The following RAP1GDS1 variants were observed in gnomAD, a reference collection of about 807,000 sequenced individuals.
RAP1GDS1 encodes the protein RAP1, GTP-GDP dissociation stimulator 1.
Under a neutral mutation model 71.1 loss-of-function variants are expected in RAP1GDS1, and 35 were observed. That is an observed-to-expected ratio of 0.49 (90% CI 0.38 to 0.65). RAP1GDS1 has a LOEUF of 0.65. RAP1GDS1 is among the 30% of genes least tolerant of loss of function. RAP1GDS1 has a pLI of 0.00. For synonymous variants in RAP1GDS1, 229 were observed against 243.1 expected, an observed-to-expected ratio of 0.94 and a Z score of 0.54; for missense variants, 663 against 706.1, an observed-to-expected ratio of 0.94 and a Z score of 0.69.
intron 1 of RAP1GDS1, among the ~76,000 whole-genome samples, chr4:98,286,486 G>A (rs28589745): frequency 0.042 from 6,326 of 152,090 alleles, 303 homozygotes; most frequent in African/African-American, 0.12. Flanking sequence ...GTTTAATATT[G>A]TAGTTGTGAA....
At chr4:98,407,769 G>A (rs565033930) in intron 7 of RAP1GDS1, among the ~76,000 whole-genome samples, 119 of 152,078 alleles carry the variant, frequency 7.8e-4, no homozygotes, top group Non-Finnish European at 1.4e-3. Context: ...CCTAGACTTT[G>A]CCACTATACA....
intron 10 of RAP1GDS1, among the ~76,000 whole-genome samples, chr4:98,419,457 T>A (rs1045809848): frequency 3.9e-5 from 6 of 152,194 alleles, no homozygotes; most frequent in Non-Finnish European, 8.8e-5. Context: ...ACAATTTTTT[T>A]AAAATAGCCT....
intron 12 of RAP1GDS1, among the ~76,000 whole-genome samples, chr4:98,423,509 G>C (rs540070574): frequency 6.6e-6 from 1 of 152,070 alleles, no homozygotes; most frequent in South Asian, 2.1e-4. Context: ...CATTATTTGA[G>C]GGTTTTTTTG....
At chr4:98,380,806 G>A (rs930279394) in intron 5 of RAP1GDS1, among the ~76,000 whole-genome samples, 1 of 151,702 alleles carries the variant, frequency 6.6e-6, no homozygotes, top group African/African-American at 2.4e-5. Flanking sequence ...AAATATAAAT[G>A]AAAGAAATTT....
intron 7 of RAP1GDS1, among the ~76,000 whole-genome samples, chr4:98,415,113 A>G (rs1350718866): frequency 1.3e-5 from 2 of 152,212 alleles, no homozygotes; most frequent in African/African-American, 4.8e-5. Flanking sequence ...AAAAGAATTC[A>G]GTGATATCTC....
intron 5 of RAP1GDS1, among the ~76,000 whole-genome samples, chr4:98,385,069 A>AT (rs1742539393): frequency 1.3e-5 from 2 of 151,488 alleles, no homozygotes; most frequent in Non-Finnish European, 3.0e-5. Context: ...TATTTTCAAG[A>AT]TTTTTCTCAT....
intron 12 of RAP1GDS1, among the ~76,000 whole-genome samples, 158 bp from the exon 13 acceptor site, chr4:98,433,778 T>G (rs780453137): frequency 3.9e-5 from 6 of 152,214 alleles, no homozygotes; most frequent in South Asian, 2.1e-4. Context: ...GCTAAAAGCT[T>G]TTTCCTTTTC....
chr4:98,289,088 A>T (rs1313733613), intron 1 of RAP1GDS1, among the ~76,000 whole-genome samples: 1 of 152,172 alleles, frequency 6.6e-6, no homozygotes, highest in African/African-American at 2.4e-5. Context: ...TGTGATAATT[A>T]TACAAGGTAG....
chr4:98,370,290 A>T (rs1578621088), intron 4 of RAP1GDS1, among the ~76,000 whole-genome samples: 2 of 152,220 alleles, frequency 1.3e-5, no homozygotes, highest in East Asian at 3.9e-4. Context: ...TATTTAAAAT[A>T]AGGAAATTTT....
chr4:98,302,641 C>G (rs1728730749), intron 2 of RAP1GDS1, among the ~76,000 whole-genome samples: 1 of 152,092 alleles, frequency 6.6e-6, no homozygotes, highest in Non-Finnish European at 1.5e-5. Context: ...TGAAAATTGA[C>G]CTGAAACAGT....
intron 3 of RAP1GDS1, among the ~76,000 whole-genome samples, chr4:98,351,960 T>C (rs910317453): frequency 6.6e-6 from 1 of 151,374 alleles, no homozygotes; most frequent in African/African-American, 2.4e-5. Context: ...AAGGACATAT[T>C]ATTTTTTAAT....
intron 1 of RAP1GDS1, among the ~76,000 whole-genome samples, chr4:98,262,904 A>G (rs1722233524): frequency 2.6e-5 from 4 of 152,204 alleles, no homozygotes; most frequent in Admixed American, 2.0e-4. Context: ...AGGTGGTATG[A>G]ATCAAAAAAG....
chr4:98,367,766 G>C (rs1578611610), intron 4 of RAP1GDS1, among the ~76,000 whole-genome samples: 1 of 152,144 alleles, frequency 6.6e-6, no homozygotes, highest in African/African-American at 2.4e-5. Context: ...CCTTTGTTTT[G>C]GCCAGTGCCT....
At chr4:98,326,257 C>T (rs1294365643) in intron 2 of RAP1GDS1, among the ~76,000 whole-genome samples, 4 of 152,088 alleles carry the variant, frequency 2.6e-5, no homozygotes, top group Admixed American at 2.6e-4. Flanking sequence ...TAGCCATCTT[C>T]CCCAATAAAT....
chr4:98,265,794 T>TAG (rs1722646023), intron 1 of RAP1GDS1, among the ~76,000 whole-genome samples: 1 of 152,074 alleles, frequency 6.6e-6, no homozygotes, highest in South Asian at 2.1e-4. Context: ...AAAGAGTGAA[T>TAG]AGTTAATAAG....
intron 5 of RAP1GDS1, among the ~76,000 whole-genome samples, chr4:98,379,868 C>A (rs1344198135): frequency 6.6e-6 from 1 of 151,510 alleles, no homozygotes; most frequent in Non-Finnish European, 1.5e-5. Context: ...TTGGTATGTT[C>A]CTGGTATGTA....
chr4:98,301,005 GTTTT>G (rs575741866), intron 2 of RAP1GDS1, among the ~76,000 whole-genome samples: 104 of 147,486 alleles, frequency 7.1e-4, no homozygotes, highest in African/African-American at 2.6e-3. Context: ...ATTATCAACT[GTTTT>G]TTTTTTCCTG....
At chr4:98,406,377 A>C (rs1272354573) in intron 7 of RAP1GDS1, among the ~76,000 whole-genome samples, 1 of 152,016 alleles carries the variant, frequency 6.6e-6, no homozygotes, top group Admixed American at 6.6e-5. Flanking sequence ...AAACCTAAGG[A>C]AGGCTGGGGT....
chr4:98,429,178 A>T (rs1234596456), intron 12 of RAP1GDS1, among the ~76,000 whole-genome samples: 2 of 152,042 alleles, frequency 1.3e-5, no homozygotes, highest in African/African-American at 4.8e-5. Context: ...GGATGGCGTG[A>T]ACCCGGGAGG....
Sources: allele counts gnomAD v4.1 joint callset (sites outside exome capture counted in the v4.1 genomes callset), GRCh38; gene constraint gnomAD v4.1.1; transcripts MANE v1.5; gene names NCBI Gene and HGNC (gene_info 2026-07-23, HGNC 2026-07-21).